PRKG1: variants seen among roughly 807,000 people sequenced by gnomAD.
PRKG1 encodes cGMP-dependent protein kinase 1.
In PRKG1, 35 loss-of-function variants were observed where a neutral mutation model predicts 88.1. That is an observed-to-expected ratio of 0.40 (90% CI 0.30 to 0.53). The LOEUF is 0.53. Ranked by LOEUF, PRKG1 falls within the 20% of genes least tolerant of loss-of-function variation. PRKG1 has a pLI of 0.59. For synonymous variants in PRKG1, 303 were observed against 292.5 expected, an observed-to-expected ratio of 1.04 and a Z score of -0.37; for missense variants, 540 against 839.8, an observed-to-expected ratio of 0.64 and a Z score of 4.41.
At chr10:51,260,434 T>TA (rs910835919) in intron 2 of PRKG1, among the ~76,000 whole-genome samples, 9 of 151,998 alleles carry the variant, frequency 5.9e-5, no homozygotes, top group African/African-American at 1.9e-4. Flanking sequence ...TGCTACAATT[T>TA]AAAAAAAAAT....
intron 5 of PRKG1, among the ~76,000 whole-genome samples, chr10:51,933,728 G>A (rs1483980849): frequency 6.6e-6 from 1 of 151,686 alleles, no homozygotes; most frequent in Non-Finnish European, 1.5e-5. Context: ...GTTATTGTGA[G>A]GATTAAATAA....
chr10:51,451,446 C>T (rs1839436746), intron 2 of PRKG1, among the ~76,000 whole-genome samples: 1 of 151,858 alleles, frequency 6.6e-6, no homozygotes, highest in South Asian at 2.1e-4. Flanking sequence ...GTAAGAACCT[C>T]TGAGCTAGAC....
intron 1 of PRKG1, among the ~76,000 whole-genome samples, chr10:51,008,789 G>GA (rs1842964034): frequency 6.6e-6 from 1 of 151,926 alleles, no homozygotes; most frequent in East Asian, 1.9e-4. Context: ...TGAGCCCATG[G>GA]AAAAAAAAGA....
At chr10:51,335,539 ATT>A (rs758933282) in intron 2 of PRKG1, among the ~76,000 whole-genome samples, 2 of 149,020 alleles carry the variant, frequency 1.3e-5, no homozygotes, top group African/African-American at 4.9e-5. Flanking sequence ...TATGCTACAT[ATT>A]TTTTTTTTGA....
intron 4 of PRKG1, among the ~76,000 whole-genome samples, chr10:51,896,834 T>C (rs1659387932): frequency 6.6e-6 from 1 of 152,056 alleles, no homozygotes; most frequent in Non-Finnish European, 1.5e-5. Context: ...ATCACATATG[T>C]AATAAAAATA....
At chr10:51,759,767 T>C (rs761596478) in intron 3 of PRKG1, among the ~76,000 whole-genome samples, 53 of 151,912 alleles carry the variant, frequency 3.5e-4, no homozygotes, top group Non-Finnish European at 2.8e-4. Flanking sequence ...GGTGTGTGCA[T>C]GTGTGTATGT....
chr10:51,458,276 T>C (rs541536843), intron 2 of PRKG1, among the ~76,000 whole-genome samples: 12 of 152,308 alleles, frequency 7.9e-5, no homozygotes, highest in Admixed American at 3.3e-4. Flanking sequence ...AGTAGGAGGT[T>C]GATACTTTGA....
chr10:52,239,648 A>G (rs1381634012), intron 9 of PRKG1, among the ~76,000 whole-genome samples: 1 of 151,912 alleles, frequency 6.6e-6, no homozygotes, highest in Non-Finnish European at 1.5e-5. Context: ...GGGCTGTTCA[A>G]CTAGATATAT....
intron 5 of PRKG1, among the ~76,000 whole-genome samples, chr10:51,983,746 G>T (rs1192092209): frequency 6.6e-6 from 1 of 152,202 alleles, no homozygotes; most frequent in Admixed American, 6.5e-5. Context: ...CCAGCTGAGT[G>T]TCTGTGGTGG....
chr10:52,197,280 G>A (rs185123062), intron 9 of PRKG1, among the ~76,000 whole-genome samples: 392 of 152,228 alleles, frequency 2.6e-3, no homozygotes, highest in Non-Finnish European at 4.0e-3. Context: ...CCCAGCATGA[G>A]AAATGAGCTC....
At chr10:51,884,600 A>T (rs547237893) in intron 4 of PRKG1, among the ~76,000 whole-genome samples, 1 of 123,490 alleles carries the variant, frequency 8.1e-6, no homozygotes, top group Non-Finnish European at 1.8e-5. Context: ...GGTTGACTGG[A>T]CTCAGTGTGC....
At chr10:51,821,427 A>G (rs1308208654) in intron 4 of PRKG1, among the ~76,000 whole-genome samples, 1 of 152,114 alleles carries the variant, frequency 6.6e-6, no homozygotes, top group East Asian at 1.9e-4. Context: ...AGTGCTATAT[A>G]ATTTTGCACA....
chr10:51,122,570 A>G (rs1159939010), intron 1 of PRKG1, among the ~76,000 whole-genome samples: 1 of 152,202 alleles, frequency 6.6e-6, no homozygotes, highest in Non-Finnish European at 1.5e-5. Context: ...AAACTCATAT[A>G]TAAAAACCCA....
In PRKG1 at chr10:51,422,663, G is replaced by A. The variant is rs1838450510; in HGVS notation, c.479-45060G>A. ...TCCTTTTTCATCTTGAATCTTGTAT[G>A]TTTCCAGGCCTCTGTCTAAGATTCT... is the stretch of plus-strand genomic sequence containing the variant. On this transcript the variant is annotated intron_variant, in intron 2 of 17. Coordinates refer to ENST00000373980, the MANE Select transcript of PRKG1 (RefSeq NM_006258.4). Among the ~76,000 whole-genome samples the A allele has an allele frequency of 1.3e-5, 2 of 149,182 alleles. 1 individual carries two copies. Among genetic ancestry groups the A allele is most frequent in the South Asian group, 4.2e-4 (2 of 4,738 alleles).
intron 1 of PRKG1, among the ~76,000 whole-genome samples, chr10:51,013,438 T>G (rs968380113): frequency 2.0e-5 from 3 of 152,220 alleles, no homozygotes; most frequent in Non-Finnish European, 2.9e-5. Context: ...TTGCTCAGGC[T>G]GGAGTGCAGT....
intron 8 of PRKG1, among the ~76,000 whole-genome samples, chr10:52,145,267 C>A (rs1837700042): frequency 6.6e-6 from 1 of 152,078 alleles, no homozygotes. Flanking sequence ...CCAGTAAATG[C>A]TTGAAACCTT....
chr10:50,991,495 A>T lies in PRKG1; in HGVS notation c.117A>T (p.Lys39Asn). Residue 39 changes from lysine to asparagine, a missense_variant, in exon 1 of 18, where the codon AAA (lysine) becomes AAT (asparagine). Coordinates refer to the PRKG1 transcript ENST00000401604. The surrounding 1 kb of genome is among the most constrained non-coding windows in gnomAD (Gnocchi z 4.5). Reference sequence around the variant, plus strand: ...AAGAAATTCAGGAGCTGAAGAGGAAACTCCACAAATGCCAGTCGGTGCTCC... The same window carrying T: ...AAGAAATTCAGGAGCTGAAGAGGAATCTCCACAAATGCCAGTCGGTGCTCC... 2 of 1,610,148 alleles carry T rather than the reference A, an allele frequency of 1.2e-6. No homozygotes were observed. Among genetic ancestry groups the T allele is most frequent in the Non-Finnish European group, 1.7e-6 (2 of 1,178,540 alleles).
chr10:51,639,779 A>G (rs1293590374), intron 3 of PRKG1, among the ~76,000 whole-genome samples: 1 of 151,962 alleles, frequency 6.6e-6, no homozygotes, highest in Non-Finnish European at 1.5e-5. Context: ...GGTTTTTGCC[A>G]TTACTTTTAA....
intron 4 of PRKG1, among the ~76,000 whole-genome samples, chr10:51,906,153 C>T (rs930350817): frequency 6.6e-6 from 1 of 151,930 alleles, no homozygotes; most frequent in African/African-American, 2.4e-5. Flanking sequence ...TAGGAGTCGG[C>T]CTGGAGAAAG....
Sources: gnomAD v4.1 joint callset for allele counts (sites outside exome capture counted in the v4.1 genomes callset) on GRCh38, gnomAD v4.1.1 for gene constraint, Gnocchi (gnomAD v3.1) non-coding constraint, MANE v1.5 for transcripts, NCBI Gene and HGNC (gene_info 2026-07-23, HGNC 2026-07-21) for gene names.